Variants in LRRC49 observed in about 807,000 individuals in gnomAD.
LRRC49 encodes the protein leucine-rich repeat-containing protein 49.
A neutral mutation model predicts 83.3 loss-of-function variants in LRRC49; 50 were observed. The ratio of observed to expected loss-of-function variants is 0.60; its 90% CI spans 0.48 to 0.76. The LOEUF is 0.76. Among genes scored for constraint, LRRC49 ranks in the 30% least tolerant of loss-of-function variants. LRRC49 has a pLI of 0.00. For synonymous variants in LRRC49, 286 were observed against 283.3 expected (o/e 1.01, Z -0.10); for missense variants, 704 against 809.1 (o/e 0.87, Z 1.58).
Position 71,049,786 on chromosome 15 carries a change from G to C in LRRC49, c.*174G>C. On this transcript the variant is annotated 3_prime_UTR_variant, in exon 16 of 16. Transcript: ENST00000260382. The stretch of plus-strand genomic sequence containing the variant: ...AAAAGTTAAGAAGGAAGGAAGGAAA[G>C]CAGGAGAAAGGAAGGATTAATTGCC... 2.1e-5 allele frequency: 11 copies of C among 536,286 alleles called. No individual in the cohort carries two copies. Among genetic ancestry groups the C allele is most frequent in the Admixed American group, 3.6e-5 (1 of 27,968 alleles). 33.2% of individuals were successfully genotyped at this position (536,286 alleles called of 1,614,324 possible).
At chr15:71,039,598 G>A (rs906697584) in intron 15 of LRRC49, among the ~76,000 whole-genome samples, 1 of 152,114 alleles carries the variant, frequency 6.6e-6, no homozygotes, top group Non-Finnish European at 1.5e-5. Context: ...CAATGCAAAT[G>A]CCATGTAAAT....
rs754131524 is a variant in LRRC49 at position 70,980,113 on chromosome 15, C to T, written c.934C>T (p.Arg312Cys). The T allele has an allele frequency of 7.5e-6, 12 of 1,608,168 alleles. No individual in the cohort carries two copies. Among genetic ancestry groups the T allele is most frequent in the Admixed American group, 5.1e-5 (3 of 59,054 alleles). ...DMKRITEEER[R>C]MASVLAKKEE... Reference sequence around the variant, plus strand: ...AAATGTCTTTTAGGAAGAAGAAAGGCGTATGGCATCTGTTTTAGCCAAAAA... The same window carrying T: ...AAATGTCTTTTAGGAAGAAGAAAGGTGTATGGCATCTGTTTTAGCCAAAAA... Residue 312 changes from arginine to cysteine, a missense_variant, in exon 10 of 16, where the codon CGT becomes TGT. Coordinates refer to ENST00000260382, the MANE Select transcript of LRRC49 (RefSeq NM_017691.5).
At chr15:70,907,498 T>C (rs1042527541) in intron 5 of LRRC49, 1 of 153,820 alleles carries the variant, frequency 6.5e-6, no homozygotes, top group Non-Finnish European at 1.4e-5. Flanking sequence ...CCTCTCCAGG[T>C]CCTCTGCCAC....
intron 15 of LRRC49, among the ~76,000 whole-genome samples, chr15:71,042,839 G>A (rs2039737716): frequency 6.6e-6 from 1 of 152,142 alleles, no homozygotes; most frequent in Non-Finnish European, 1.5e-5. Flanking sequence ...TCTTAGATGA[G>A]GAAAACTGGA....
At chr15:70,983,397 A>G (rs1362093935) in intron 10 of LRRC49, among the ~76,000 whole-genome samples, 1 of 152,100 alleles carries the variant, frequency 6.6e-6, no homozygotes, top group African/African-American at 2.4e-5. Context: ...CTAAATCAGC[A>G]ATCTGTTATA....
At position 71,046,577 on chromosome 15, in the gene LRRC49, TC is replaced by T. The variant is rs2039860948; in HGVS notation, c.1858-2829del. ...TTGGTTTTTGCTTGGTGATTTAAGTTCCCTATAAATTCTGGATATTAAGCCT... is the reference window on the plus strand; with the variant it reads ...TTGGTTTTTGCTTGGTGATTTAAGTTCCTATAAATTCTGGATATTAAGCCT... On this transcript the variant is annotated intron_variant, in intron 15 of 15. Coordinates refer to ENST00000260382, the MANE Select transcript of LRRC49 (RefSeq NM_017691.5). 2.0e-5 allele frequency among the ~76,000 whole-genome samples: 3 copies of T among 152,272 alleles called. No homozygotes were observed. The South Asian group carries it at 6.2e-4, about 32-fold the overall frequency.
At chr15:71,001,343 G>A (rs1235211903) in intron 11 of LRRC49, among the ~76,000 whole-genome samples, 2 of 152,052 alleles carry the variant, frequency 1.3e-5, no homozygotes, top group African/African-American at 4.8e-5. Flanking sequence ...AGGTGGGAGA[G>A]ACCTTTTGCA....
intron 11 of LRRC49, among the ~76,000 whole-genome samples, chr15:70,984,899 G>A (rs931599023): frequency 1.4e-4 from 21 of 150,514 alleles, no homozygotes; most frequent in Non-Finnish European, 2.7e-4. Context: ...CTGTTCTTGC[G>A]ATAGTTTACT....
chr15:70,855,449 A>C (rs1567026019), intron 1 of LRRC49, among the ~76,000 whole-genome samples: 1 of 152,236 alleles, frequency 6.6e-6, no homozygotes, highest in African/African-American at 2.4e-5. Context: ...AACATAATTT[A>C]TCATATTAAT....
chr15:70,965,547 A>C (rs533197778), intron 9 of LRRC49, among the ~76,000 whole-genome samples: 1 of 152,064 alleles, frequency 6.6e-6, no homozygotes, highest in South Asian at 2.1e-4. Flanking sequence ...ATTACAGGTT[A>C]GTTTTTTTGT....
intron 2 of LRRC49, among the ~76,000 whole-genome samples, chr15:70,884,320 G>T (rs2033345975): frequency 6.6e-6 from 1 of 152,052 alleles, no homozygotes; most frequent in Non-Finnish European, 1.5e-5. Context: ...ATCACTTGAG[G>T]TCAGGAGTTC....
chr15:71,053,425 C>G lies in LRRC49; in HGVS notation c.*3813C>G, dbSNP rs2040016196. 1 of 152,152 alleles carries G rather than the reference C, an allele frequency of 6.6e-6. No homozygotes were observed. Among genetic ancestry groups the G allele is most frequent in the Non-Finnish European group, 1.5e-5 (1 of 68,026 alleles). The allele number at this position is 152,152 out of a possible 1,614,324, so 9.4% of individuals were successfully genotyped here. On this transcript the variant is annotated 3_prime_UTR_variant, in exon 16 of 16. Coordinates refer to ENST00000260382, the MANE Select transcript of LRRC49 (RefSeq NM_017691.5). ...ATCAGGAATTCCGTCTTATGGAATA[C>G]ACAATGCATCTCAACATGTACAATA...
At chr15:71,046,385 A>G (rs1245154384) in intron 15 of LRRC49, among the ~76,000 whole-genome samples, 4 of 152,182 alleles carry the variant, frequency 2.6e-5, no homozygotes, top group Non-Finnish European at 5.9e-5. Context: ...ACTTTTTAGT[A>G]ATAGCCATTC....
intron 11 of LRRC49, among the ~76,000 whole-genome samples, chr15:70,990,790 C>T (rs891934424): frequency 2.1e-4 from 32 of 152,202 alleles, no homozygotes; most frequent in Admixed American, 2.0e-3. Context: ...CCAGCCAGAA[C>T]CTTTCTTATA....
chr15:70,920,840 A>G (rs1357342020), intron 7 of LRRC49, among the ~76,000 whole-genome samples: 1 of 152,192 alleles, frequency 6.6e-6, no homozygotes, highest in Non-Finnish European at 1.5e-5. Flanking sequence ...ATATCCATAT[A>G]TTGTGAAATA....
intron 9 of LRRC49, among the ~76,000 whole-genome samples, chr15:70,964,256 G>A (rs768380686): frequency 5.9e-5 from 9 of 152,102 alleles, no homozygotes; most frequent in Non-Finnish European, 1.3e-4. Flanking sequence ...GTGGTTAAGA[G>A]CATGGACACT....
At chr15:70,982,392 A>C (rs1380623221) in intron 10 of LRRC49, among the ~76,000 whole-genome samples, 1 of 152,172 alleles carries the variant, frequency 6.6e-6, no homozygotes, top group African/African-American at 2.4e-5. Context: ...AGTCATCAGC[A>C]AGTAACTTAA....
chr15:70,859,151 C>T (rs2141067859), intron 1 of LRRC49: 3 of 1,391,970 alleles, frequency 2.2e-6, no homozygotes, highest in Non-Finnish European at 3.0e-6. Context: ...TATCAACAAC[C>T]TTAGGTGGCA....
At chr15:70,889,756 T>C (rs1018133076), upstream of LRRC49, among the ~76,000 whole-genome samples, 12 of 152,166 alleles carry the variant, frequency 7.9e-5, no homozygotes, top group African/African-American at 2.4e-5. Context: ...GTGTCTACAA[T>C]AGCTCTTCAA....
Sources: gnomAD v4.1 joint callset for allele counts (sites outside exome capture counted in the v4.1 genomes callset) on GRCh38, gnomAD v4.1.1 for gene constraint, MANE v1.5 for transcripts, NCBI Gene and HGNC (gene_info 2026-07-23, HGNC 2026-07-21) for gene names.